The following TOP1 variants were observed in gnomAD, a reference collection of about 807,000 sequenced individuals.
The protein encoded by TOP1 is DNA topoisomerase I.
A neutral mutation model predicts 111.1 loss-of-function variants in TOP1; 10 were observed. The ratio of observed to expected loss-of-function variants is 0.09; its 90% CI spans 0.06 to 0.15. The LOEUF (loss-of-function observed/expected upper bound fraction) is 0.15, where lower values mean the gene tolerates loss of function less well. Among genes scored for constraint, TOP1 ranks in the 10% least tolerant of loss-of-function variants. The pLI, the probability that TOP1 is intolerant of heterozygous loss-of-function variation, is 1.00. For synonymous variants in TOP1, 271 were observed against 302.9 expected (o/e 0.89, Z 1.10); for missense variants, 474 against 926.7 (o/e 0.51, Z 6.34).
In TOP1 at chr20:41,118,072, C is replaced by A. The variant is rs2034362394; in HGVS notation, c.1823-97C>A. 2 of 1,377,240 alleles carry A rather than the reference C, an allele frequency of 1.5e-6. No homozygotes were observed. Among genetic ancestry groups the A allele is most frequent in the Non-Finnish European group, 9.8e-7 (1 of 1,022,162 alleles). 85.3% of individuals were successfully genotyped at this position (1,377,240 alleles called of 1,614,324 possible). A position where few individuals can be genotyped will look rare whatever the true frequency, so the allele number is the denominator to read the frequency against. ...ATCATCTGAGTAAGATAAGAGCCAG[C>A]AAAATCATGGGGACGAGGCACTGGG... On this transcript the variant is annotated intron_variant, in intron 17 of 20. Transcript: ENST00000361337. The surrounding 1 kb of genome is among the most constrained non-coding windows in gnomAD (Gnocchi z 4.6).
chr20:41,088,265 G>A (rs773453444), intron 8 of TOP1, among the ~76,000 whole-genome samples: 4 of 152,150 alleles, frequency 2.6e-5, no homozygotes, highest in Admixed American at 6.5e-5. Flanking sequence ...TTGGAAGGCC[G>A]AAGCGGGCAG....
rs905568137 is a variant in TOP1 at position 41,100,004 on chromosome 20, G to C, written c.976-52G>C. 3.0e-6 allele frequency: 4 copies of C among 1,340,018 alleles called. No homozygotes were observed. In the African/African-American group the frequency reaches 4.4e-5, roughly 15 times the overall value. The allele number at this position is 1,340,018 out of a possible 1,614,324, so 83.0% of individuals were successfully genotyped here. On this transcript the variant is annotated intron_variant, in intron 11 of 20. Coordinates refer to ENST00000361337, the MANE Select transcript of TOP1 (RefSeq NM_003286.4). This position sits in a 1 kb window ranked among gnomAD's most constrained non-coding sequence, Gnocchi z 4.4. ...CTCCCACAAGAGATAAAATGCATTAGTAGAGAACAGCAATCTGAATCTATT... is the reference window on the plus strand; with the variant it reads ...CTCCCACAAGAGATAAAATGCATTACTAGAGAACAGCAATCTGAATCTATT...
chr20:41,041,437 CA>C (rs780663951), intron 2 of TOP1, among the ~76,000 whole-genome samples: 8,631 of 88,892 alleles, frequency 0.097, 232 homozygotes, highest in Non-Finnish European at 0.13. Flanking sequence ...GACCCTGTCT[CA>C]AAAAAAAAAA....
chr20:41,099,189 T>C (rs1302896046), intron 11 of TOP1, among the ~76,000 whole-genome samples: 3 of 152,234 alleles, frequency 2.0e-5, no homozygotes, highest in Admixed American at 6.5e-5. Context: ...ATGGTACTTA[T>C]TTGGTCACTA....
In TOP1 at chr20:41,079,106, T is replaced by C. The variant is rs2033760354; in HGVS notation, c.336-979T>C. ...GGTGCTAAAATAAGTTCTTTAAACA[T>C]TCAAATTCTATCACAAGCAAGGGGA... On this transcript the variant is annotated intron_variant, in intron 5 of 20. Transcript: ENST00000361337. This position sits in a 1 kb window ranked among gnomAD's most constrained non-coding sequence, Gnocchi z 4.0. Among the ~76,000 whole-genome samples the C allele has an allele frequency of 1.3e-5, 2 of 152,198 alleles. No individual in the cohort carries two copies. The highest frequency in any genetic ancestry group is 4.8e-5 in the African/African-American group (2 of 41,442).
chr20:41,113,937 T>C (rs1372893581), intron 14 of TOP1, 33 bp from the exon 15 acceptor site: 1 of 1,538,766 alleles, frequency 6.5e-7, no homozygotes. Context: ...GTCTCTTCCA[T>C]TCATGCTCAT....
chr20:41,122,237 A>T lies in TOP1; in HGVS notation c.2195+82A>T. 1 of 1,429,492 alleles carries T rather than the reference A, an allele frequency of 7.0e-7. No homozygotes were observed. The highest frequency in any genetic ancestry group is 9.7e-7 in the Non-Finnish European group (1 of 1,027,914). The allele number at this position is 1,429,492 out of a possible 1,614,324, so 88.6% of individuals were successfully genotyped here. ...TTCCGAGAGCACTGGTGGCCTTCAC[A>T]TGCCATTCCTAAGCTACACACTTTA... On this transcript the variant is annotated intron_variant, in intron 20 of 20. Transcript: ENST00000361337. This position sits in a 1 kb window ranked among gnomAD's most constrained non-coding sequence, Gnocchi z 5.4.
chr20:41,087,019 T>C (rs2033857247), intron 8 of TOP1, among the ~76,000 whole-genome samples: 2 of 152,244 alleles, frequency 1.3e-5, no homozygotes, highest in Admixed American at 1.3e-4. Flanking sequence ...TTATTTTTAC[T>C]ATTCCTTATG....
At position 41,101,218 on chromosome 20, in the gene TOP1, G is replaced by A. The variant is rs779579758; in HGVS notation, c.1173G>A (p.Lys391=). The stretch of plus-strand genomic sequence containing the variant: ...GCTCTGTTATTTCCAGAGATGCCAA[G>A]GTTCCTTCTCCTCCTCCAGGACATA... The part of the protein sequence containing the change: ...DIIINCSKDA[K]VPSPPPGHKW... Residue 391 remains lysine (K), a synonymous_variant, in exon 13 of 21, where the codon AAG becomes AAA. Coordinates refer to ENST00000361337, the MANE Select transcript of TOP1 (RefSeq NM_003286.4). The surrounding 1 kb of genome is among the most constrained non-coding windows in gnomAD (Gnocchi z 4.1). 3.1e-6 allele frequency: 5 copies of A among 1,613,940 alleles called. No individual in the cohort carries two copies. The Admixed American group carries it at 5.0e-5, about 16-fold the overall frequency.
chr20:41,080,075 T>A lies in TOP1; in HGVS notation c.336-10T>A, dbSNP rs1230620500. 1 of 1,580,208 alleles carries A rather than the reference T, an allele frequency of 6.3e-7. No homozygotes were observed. Among genetic ancestry groups the A allele is most frequent in the Non-Finnish European group, 8.7e-7 (1 of 1,153,932 alleles). ...CTAGCACTCTGACCAGCAATTTTTT[T>A]TCTCTTTAGTCCACCACAAATTAAA... On this transcript the variant is annotated splice_polypyrimidine_tract_variant and intron_variant, in intron 5 of 20. Transcript: ENST00000361337. This position sits in a 1 kb window ranked among gnomAD's most constrained non-coding sequence, Gnocchi z 5.0.
intron 2 of TOP1, among the ~76,000 whole-genome samples, chr20:41,060,983 T>G (rs1346859218): frequency 6.6e-6 from 1 of 152,248 alleles, no homozygotes; most frequent in Non-Finnish European, 1.5e-5. Flanking sequence ...ACATTACACC[T>G]TATTAACATT....
In TOP1 at chr20:41,030,838, T is replaced by C. The variant is rs1165390800; in HGVS notation, c.58+1383T>C. Among the ~76,000 whole-genome samples, 2 of 152,158 alleles carry C rather than the reference T, an allele frequency of 1.3e-5. No homozygotes were observed. Among genetic ancestry groups the C allele is most frequent in the African/African-American group, 2.4e-5 (1 of 41,424 alleles). On this transcript the variant is annotated intron_variant, in intron 2 of 20. Coordinates refer to ENST00000361337, the MANE Select transcript of TOP1 (RefSeq NM_003286.4). The surrounding 1 kb of genome is among the most constrained non-coding windows in gnomAD (Gnocchi z 4.1). Reference sequence around the variant, plus strand: ...TTGAAGTGGGGCATCCAGCAGGAGATGGTACTCAGCCAGGAGAGAATCTGG... The same window carrying C: ...TTGAAGTGGGGCATCCAGCAGGAGACGGTACTCAGCCAGGAGAGAATCTGG...
intron 2 of TOP1, among the ~76,000 whole-genome samples, chr20:41,044,746 A>T (rs192686447): frequency 2.9e-4 from 44 of 152,320 alleles, no homozygotes; most frequent in African/African-American, 9.9e-4. Context: ...TGTGCTGTCC[A>T]ATATGGTAGC....
In TOP1 at chr20:41,112,945, G is replaced by A. The variant is rs779007919; in HGVS notation, c.1452+20G>A. 11 of 1,611,976 alleles carry A rather than the reference G, an allele frequency of 6.8e-6. No homozygotes were observed. The Admixed American group carries it at 1.3e-4, about 20-fold the overall frequency. The stretch of plus-strand genomic sequence containing the variant: ...GACAAGGTGAGAGCATCTTCCCATC[G>A]GCATTGTCTAGTGTTGAGCTTAACA... On this transcript the variant is annotated intron_variant, in intron 14 of 20. Transcript: ENST00000361337. The surrounding 1 kb of genome is among the most constrained non-coding windows in gnomAD (Gnocchi z 5.8).
chr20:41,041,872 A>G (rs1381858212), intron 2 of TOP1, among the ~76,000 whole-genome samples: 3 of 148,862 alleles, frequency 2.0e-5, no homozygotes, highest in African/African-American at 5.1e-5. Flanking sequence ...AGGTTAAGGT[A>G]TAAAGCTTAC....
At chr20:41,093,581 C>T (rs1394139659) in intron 9 of TOP1, among the ~76,000 whole-genome samples, 1 of 152,096 alleles carries the variant, frequency 6.6e-6, no homozygotes, top group African/African-American at 2.4e-5. Context: ...ACCATTTTTC[C>T]CACCCTCAGC....
intron 2 of TOP1, among the ~76,000 whole-genome samples, chr20:41,056,107 A>T (rs1000339917): frequency 6.6e-6 from 1 of 152,190 alleles, no homozygotes; most frequent in Non-Finnish European, 1.5e-5. Flanking sequence ...CACCACCACC[A>T]GAGAGTATTA....
At position 41,034,589 on chromosome 20, in the gene TOP1, G is replaced by A. The variant is rs997989741; in HGVS notation, c.58+5134G>A. On this transcript the variant is annotated intron_variant, in intron 2 of 20. Coordinates refer to ENST00000361337, the MANE Select transcript of TOP1 (RefSeq NM_003286.4). This position sits in a 1 kb window ranked among gnomAD's most constrained non-coding sequence, Gnocchi z 4.0. ...TAGATATTGATGGTATTTTGGTGGCGTTATGAGAAATGGCTGATAGTTTGC... is the reference window on the plus strand; with the variant it reads ...TAGATATTGATGGTATTTTGGTGGCATTATGAGAAATGGCTGATAGTTTGC... Among the ~76,000 whole-genome samples, 5 of 152,156 alleles carry A rather than the reference G, an allele frequency of 3.3e-5. No homozygotes were observed. Among genetic ancestry groups the A allele is most frequent in the South Asian group, 4.1e-4 (2 of 4,832 alleles).
rs2033127092 is a variant in TOP1 at position 41,032,081 on chromosome 20, TGCC to T, written c.58+2627_58+2629del. ...AAAAGTAGAAATCAATGTTTAATTATGCCCAGACATGTCATTATTGAACTTTGT... is the reference window on the plus strand; with the variant it reads ...AAAAGTAGAAATCAATGTTTAATTATCAGACATGTCATTATTGAACTTTGT... On this transcript the variant is annotated intron_variant, in intron 2 of 20. Transcript: ENST00000361337. The surrounding 1 kb of genome is among the most constrained non-coding windows in gnomAD (Gnocchi z 4.3). Among the ~76,000 whole-genome samples, 1 of 152,222 alleles carries T rather than the reference TGCC, an allele frequency of 6.6e-6. No homozygotes were observed. The highest frequency in any genetic ancestry group is 1.5e-5 in the Non-Finnish European group (1 of 68,042).
Sources: allele counts gnomAD v4.1 joint callset (sites outside exome capture counted in the v4.1 genomes callset), GRCh38; gene constraint gnomAD v4.1.1; non-coding constraint Gnocchi (gnomAD v3.1); transcripts MANE v1.5; gene names NCBI Gene and HGNC (gene_info 2026-07-23, HGNC 2026-07-21).